The following OPA1 variants were observed in gnomAD, a reference collection of about 807,000 sequenced individuals.
OPA1 encodes dynamin-like GTPase OPA1, mitochondrial.
In OPA1, 59 loss-of-function variants were observed where a neutral mutation model predicts 152.9. The observed-to-expected ratio is 0.39, with a 90% confidence interval of 0.31 to 0.48. The LOEUF (loss-of-function observed/expected upper bound fraction) is 0.48. Among genes scored for constraint, OPA1 ranks in the 20% least tolerant of loss-of-function variants. The pLI, the probability that OPA1 is intolerant of heterozygous loss-of-function variation, is 0.96. For missense variants in OPA1, 1,008 were observed against 1,216.8 expected (o/e 0.83, Z 2.55); for synonymous variants, 400 against 389.9 (o/e 1.03, Z -0.31).
chr3:193,678,572 G>A (rs1332223539), intron 29 of OPA1, among the ~76,000 whole-genome samples: 1 of 152,070 alleles, frequency 6.6e-6, no homozygotes. Flanking sequence ...CGCTCAGTGG[G>A]CTAGATTTTT....
chr3:193,675,265 A>G (rs978670911), intron 29 of OPA1, among the ~76,000 whole-genome samples: 4 of 147,738 alleles, frequency 2.7e-5, no homozygotes, highest in African/African-American at 7.5e-5. Flanking sequence ...AAAGGAAGAG[A>G]GGGTGATACC....
At chr3:193,596,336 C>CTTTCCTTTTCTTTTCTTTTCTTAA (rs1553865307) in intron 1 of OPA1, among the ~76,000 whole-genome samples, 3 of 137,928 alleles carry the variant, frequency 2.2e-5, no homozygotes, top group African/African-American at 8.2e-5. Flanking sequence ...CTTTCCTTTC[C>CTTTCCTTTTCTTTTCTTTTCTTAA]TTTTCTTTTC....
At chr3:193,662,513 C>T (rs935446259) in intron 25 of OPA1, among the ~76,000 whole-genome samples, 1 of 152,100 alleles carries the variant, frequency 6.6e-6, no homozygotes, top group African/African-American at 2.4e-5. Flanking sequence ...AAAGAAAATA[C>T]ATGGTAAGAT....
At position 193,617,854 on chromosome 3, in the gene OPA1, T is replaced by A. The variant is rs1729312525; in HGVS notation, c.610+17T>A. ...TCTTGTTAGGTGTGTAAACAGACAT[T>A]TTTGCTGACCTTAACATGCCTTTTA... On this transcript the variant is annotated intron_variant, in intron 5 of 30. Coordinates refer to ENST00000361510, the MANE Select transcript of OPA1 (RefSeq NM_130837.3). 1 of 1,599,174 alleles carries A rather than the reference T, an allele frequency of 6.3e-7. No homozygotes were observed. Among genetic ancestry groups the A allele is most frequent in the African/African-American group, 1.3e-5 (1 of 74,602 alleles).
At chr3:193,653,369 A>G (rs1478044239) in intron 21 of OPA1, among the ~76,000 whole-genome samples, 1 of 152,132 alleles carries the variant, frequency 6.6e-6, no homozygotes, top group East Asian at 1.9e-4. Context: ...CTCACCAGAG[A>G]AGTTCAGCTG....
intron 3 of OPA1, 72 bp from the exon 4 acceptor site, chr3:193,617,091 AAACAAGTTAATACTT>A: frequency 1.2e-6 from 1 of 815,924 alleles, no homozygotes; most frequent in Non-Finnish European, 2.1e-6. Context: ...CATGAGGATT[AAACAAGTTAATACTT>A]TAGCCCTTTA....
intron 21 of OPA1, among the ~76,000 whole-genome samples, chr3:193,651,845 T>C (rs1315097353): frequency 6.6e-6 from 1 of 152,132 alleles, no homozygotes; most frequent in African/African-American, 2.4e-5. Context: ...TATGGGGTAC[T>C]TCTTACATTT....
At chr3:193,671,175 A>G (rs1254783940) in intron 29 of OPA1, among the ~76,000 whole-genome samples, 1 of 152,344 alleles carries the variant, frequency 6.6e-6, no homozygotes, top group African/African-American at 2.4e-5. Flanking sequence ...GGAAAAGAGT[A>G]ACTTTACAGT....
intron 6 of OPA1, among the ~76,000 whole-genome samples, chr3:193,624,915 A>G (rs965811180): frequency 1.3e-5 from 2 of 152,138 alleles, no homozygotes; most frequent in Non-Finnish European, 2.9e-5. Flanking sequence ...TAAAACTCCT[A>G]ATTTAGAATA....
chr3:193,685,922 A>G (rs1418499474), intron 29 of OPA1, among the ~76,000 whole-genome samples: 5 of 152,210 alleles, frequency 3.3e-5, no homozygotes, highest in Admixed American at 3.3e-4. Context: ...TTATGAGGTT[A>G]ACGGCGAATA....
intron 1 of OPA1, among the ~76,000 whole-genome samples, chr3:193,600,487 T>C (rs1235327818): frequency 3.3e-5 from 5 of 152,216 alleles, no homozygotes; most frequent in African/African-American, 7.2e-5. Context: ...TTATTATGAC[T>C]GTTAAGAGGA....
chr3:193,636,186 C>G (rs184346564), intron 9 of OPA1, among the ~76,000 whole-genome samples: 105 of 151,892 alleles, frequency 6.9e-4, no homozygotes, highest in Non-Finnish European at 1.2e-3. Context: ...TAGTCAAGGT[C>G]CAAAGATAAT....
intron 29 of OPA1, among the ~76,000 whole-genome samples, chr3:193,678,155 G>C (rs947395654): frequency 6.6e-6 from 1 of 152,150 alleles, no homozygotes; most frequent in Non-Finnish European, 1.5e-5. Flanking sequence ...GAAGTTTGCT[G>C]TTTTGATTAA....
Position 193,654,937 on chromosome 3 carries a change from G to T in OPA1, c.2088G>T (p.Ala696=), listed in dbSNP as rs138114609. 2.5e-6 allele frequency: 4 copies of T among 1,613,824 alleles called. No homozygotes were observed. The highest frequency in any genetic ancestry group is 3.4e-6 in the Non-Finnish European group (4 of 1,179,900). Residue 696 remains alanine (A), a synonymous_variant, in exon 22 of 31, where the codon GCG becomes GCT. Coordinates refer to ENST00000361510, the MANE Select transcript of OPA1 (RefSeq NM_130837.3). ...TTGAAAACATCTACCTTCCAGCTGCGCAGACCATGAATTCAGGAACTTTTA... is the reference window on the plus strand; with the variant it reads ...TTGAAAACATCTACCTTCCAGCTGCTCAGACCATGAATTCAGGAACTTTTA... ...HVIENIYLPA[A]QTMNSGTFNT... is the part of the protein sequence containing the mutation.
chr3:193,688,752 G>T (rs1020885393), intron 29 of OPA1, among the ~76,000 whole-genome samples: 2 of 152,002 alleles, frequency 1.3e-5, no homozygotes, highest in Non-Finnish European at 2.9e-5. Flanking sequence ...AAGCCGAGTG[G>T]GGAGGATTGC....
At chr3:193,641,881 G>C (rs1163204922) in intron 11 of OPA1, among the ~76,000 whole-genome samples, 1 of 152,216 alleles carries the variant, frequency 6.6e-6, no homozygotes. Flanking sequence ...TTGGGAGGCT[G>C]AGGAGGGCGG....
intron 6 of OPA1, among the ~76,000 whole-genome samples, chr3:193,619,315 C>T (rs1729619445): frequency 6.6e-6 from 1 of 152,140 alleles, no homozygotes; most frequent in African/African-American, 2.4e-5. Flanking sequence ...GGAGTCAAAG[C>T]ATACAGTGTT....
chr3:193,643,149 T>C, intron 13 of OPA1, 100 bp downstream of exon 13: 1 of 1,009,106 alleles, frequency 9.9e-7, no homozygotes, highest in South Asian at 1.4e-5. Flanking sequence ...ATTGCTGCTA[T>C]CTAGATATGT....
At chr3:193,627,605 G>C (rs577805575) in intron 7 of OPA1, among the ~76,000 whole-genome samples, 11 of 151,970 alleles carry the variant, frequency 7.2e-5, no homozygotes, top group Non-Finnish European at 1.2e-4. Flanking sequence ...AGTTTTTTTC[G>C]TAAGACAACT....
Sources: gnomAD v4.1 joint callset for allele counts (sites outside exome capture counted in the v4.1 genomes callset) on GRCh38, gnomAD v4.1.1 for gene constraint, MANE v1.5 for transcripts, NCBI Gene and HGNC (gene_info 2026-07-23, HGNC 2026-07-21) for gene names.